Variants in NWD1 observed in about 807,000 individuals in gnomAD.
NWD1 encodes NACHT domain- and WD repeat-containing protein 1.
Under a neutral mutation model 135.1 loss-of-function variants are expected in NWD1, and 129 were observed. That is an observed-to-expected ratio of 0.96 (90% CI 0.83 to 1.11). The LOEUF is 1.11. NWD1 is among the 50% of genes least tolerant of loss of function. The pLI, the probability that NWD1 is intolerant of heterozygous loss-of-function variation, is 0.00. For synonymous variants in NWD1, 773 were observed against 786.0 expected, an observed-to-expected ratio of 0.98 and a Z score of 0.28; for missense variants, 1,740 against 1,851.3, an observed-to-expected ratio of 0.94 and a Z score of 1.10.
chr19:16,735,817 G>GGAAA (rs1466294078), intron 3 of NWD1, among the ~76,000 whole-genome samples: 10 of 38,946 alleles, frequency 2.6e-4, no homozygotes, highest in Non-Finnish European at 5.0e-4. Context: ...AAGGAAGGAA[G>GGAAA]GAAGGAAGGA....
chr19:16,773,244 C>G lies in NWD1; in HGVS notation c.2529C>G (p.His843Gln), dbSNP rs191976059. ...AGAGCTGGTTCCAGTTGTGCGCACA[C>G]CCTGTGCTGGTGCCCCTCGGAGGAT... Reference protein sequence around the residue: ...QAQSWFQLCAHPVLVPLGGFL... With the variant: ...QAQSWFQLCAQPVLVPLGGFL... The change falls in exon 11 of 19, where the codon CAC becomes CAG. Residue 843 changes from histidine to glutamine, a missense_variant. His to Gln is a conservative substitution (Grantham distance 24, BLOSUM62 0). Transcript: ENST00000524140. 1.7e-4 allele frequency: 267 copies of G among 1,613,710 alleles called. 2 individuals are homozygous for G. Among genetic ancestry groups the G allele is most frequent in the Non-Finnish European group, 1.4e-4 (166 of 1,180,020 alleles).
At position 16,746,180 on chromosome 19, in the gene NWD1, C is replaced by T. The variant is rs189331281; in HGVS notation, c.496+1462C>T. On this transcript the variant is annotated intron_variant, in intron 5 of 18. Transcript: ENST00000524140. Reference sequence around the variant, plus strand: ...ACCAGTCTGGGCAACATGGCAAAACCTCACCTTTATTTAAAAAAAAAAAAT... The same window carrying T: ...ACCAGTCTGGGCAACATGGCAAAACTTCACCTTTATTTAAAAAAAAAAAAT... Among the ~76,000 whole-genome samples the T allele has an allele frequency of 1.1e-3, 166 of 149,336 alleles. 1 individual carries two copies. Among genetic ancestry groups the T allele is most frequent in the Middle Eastern group, 0.01 (3 of 290 alleles).
intron 15 of NWD1, among the ~76,000 whole-genome samples, chr19:16,796,863 A>G (rs1369368537): frequency 6.6e-6 from 1 of 152,082 alleles, no homozygotes; most frequent in Non-Finnish European, 1.5e-5. Context: ...TCATTATAAT[A>G]ACTTTACAAG....
intron 18 of NWD1, chr19:16,812,817 G>T: frequency 1.3e-6 from 1 of 781,072 alleles, no homozygotes; most frequent in Non-Finnish European, 2.4e-6. Context: ...GGGCTTAAAG[G>T]ATCGCTCTAT....
At position 16,749,597 on chromosome 19, in the gene NWD1, C is replaced by T; in HGVS notation, c.955C>T (p.Leu319=). The T allele has an allele frequency of 1.9e-6, 3 of 1,613,058 alleles. No homozygotes were observed. Among genetic ancestry groups the T allele is most frequent in the Non-Finnish European group, 2.5e-6 (3 of 1,179,208 alleles). ...GACCTTCTGCGGACGCCAGGAACTC[C>T]TGGCCCGGCTTGGGCAGCAGCTCAG... ...IQTFCGRQEL[L]ARLGQQLRHD... Residue 319 remains leucine (L), a synonymous_variant, in exon 6 of 19, where the codon CTG becomes TTG. Coordinates refer to ENST00000524140, the MANE Select transcript of NWD1 (RefSeq NM_001007525.5).
At chr19:16,804,712 T>G (rs944133429) in intron 17 of NWD1, among the ~76,000 whole-genome samples, 3 of 152,114 alleles carry the variant, frequency 2.0e-5, no homozygotes, top group Non-Finnish European at 2.9e-5. Context: ...ATTAATTTTT[T>G]TTTAAATTTG....
At chr19:16,755,353 G>A in intron 6 of NWD1, among the ~76,000 whole-genome samples, 1 of 151,626 alleles carries the variant, frequency 6.6e-6, no homozygotes, top group Non-Finnish European at 1.5e-5. Context: ...GAGTAGCTGA[G>A]ACTACAGGTG....
chr19:16,762,003 G>A lies in NWD1; in HGVS notation c.1998G>A (p.Glu666=). The A allele has an allele frequency of 6.2e-7, 1 of 1,614,052 alleles. No individual in the cohort carries two copies. Among genetic ancestry groups the A allele is most frequent in the Middle Eastern group, 1.6e-4 (1 of 6,062 alleles). The part of the protein sequence containing the change: ...AHRQLVEVVR[E]RYLSGSERAK... Reference sequence around the variant, plus strand: ...GACAGCTGGTCGAGGTGGTCCGTGAGCGCTACCTGTCAGGATCCGAGAGAG... The same window carrying A: ...GACAGCTGGTCGAGGTGGTCCGTGAACGCTACCTGTCAGGATCCGAGAGAG... Residue 666 remains glutamate (E), a synonymous_variant, in exon 8 of 19, where the codon GAG becomes GAA. Coordinates refer to ENST00000524140, the MANE Select transcript of NWD1 (RefSeq NM_001007525.5).
Position 16,791,462 on chromosome 19 carries a change from T to A in NWD1, c.3053T>A (p.Val1018Glu). The change falls in exon 14 of 19, where the codon GTG becomes GAG. Residue 1018 changes from valine to glutamate, a missense_variant. By Grantham distance (121) the Val-to-Glu change is moderately radical. Coordinates refer to ENST00000524140, the MANE Select transcript of NWD1 (RefSeq NM_001007525.5). Reference sequence around the variant, plus strand: ...GCCTCCCAGGCCACACTGCTGACAGTGTCCAGGGATGGTGTGGTCAGTCTG... The same window carrying A: ...GCCTCCCAGGCCACACTGCTGACAGAGTCCAGGGATGGTGTGGTCAGTCTG... Reference protein sequence around the residue: ...VLASQATLLTVSRDGVVSLWS... With the variant: ...VLASQATLLTESRDGVVSLWS... 1 of 1,614,138 alleles carries A rather than the reference T, an allele frequency of 6.2e-7. No homozygotes were observed. The highest frequency in any genetic ancestry group is 8.5e-7 in the Non-Finnish European group (1 of 1,180,006).
chr19:16,773,902 C>G (rs1020043056), intron 11 of NWD1, among the ~76,000 whole-genome samples: 2 of 148,036 alleles, frequency 1.4e-5, no homozygotes, highest in African/African-American at 5.0e-5. Flanking sequence ...CATCCATCCA[C>G]CAGCCTCCCA....
In NWD1 at chr19:16,759,369, G is replaced by A; in HGVS notation, c.1914G>A (p.Leu638=). 6.2e-7 allele frequency: 1 copy of A among 1,610,806 alleles called. No homozygotes were observed. Among genetic ancestry groups the A allele is most frequent in the Non-Finnish European group, 8.5e-7 (1 of 1,178,848 alleles). The change falls in exon 7 of 19, where the codon CTG becomes CTA. Residue 638 remains leucine, a synonymous_variant. Transcript: ENST00000524140. ...TGTGGGTGCGGCTTCGTCGGGATCT[G>A]GGATACTACTTGGCCCGGCGGCCCG... ...PLLWVRLRRD[L]GYYLARRPVD...
At chr19:16,731,330 G>A (rs1180869028) in intron 3 of NWD1, 52 bp downstream of exon 3, 18 of 1,110,064 alleles carry the variant, frequency 1.6e-5, no homozygotes, top group East Asian at 1.3e-4. Context: ...TTTTTGACAC[G>A]TAGTTCTTGC....
At chr19:16,751,158 A>G (rs1311350707) in intron 6 of NWD1, among the ~76,000 whole-genome samples, 1 of 148,666 alleles carries the variant, frequency 6.7e-6, no homozygotes, top group African/African-American at 2.5e-5. Context: ...CGGGAGGTGG[A>G]GGTTGCCGTG....
At chr19:16,737,650 T>G in intron 4 of NWD1, among the ~76,000 whole-genome samples, 1 of 150,902 alleles carries the variant, frequency 6.6e-6, no homozygotes, top group Non-Finnish European at 1.5e-5. Context: ...TCCAGATACA[T>G]CCAAGAACGA....
intron 17 of NWD1, chr19:16,801,561 C>T (rs1970602819): frequency 6.6e-6 from 1 of 151,972 alleles, no homozygotes; most frequent in Non-Finnish European, 1.5e-5. Context: ...ACATAAAAGA[C>T]AAAAATTAGC....
chr19:16,756,391 G>T (rs1445669189), intron 6 of NWD1, among the ~76,000 whole-genome samples: 5 of 152,244 alleles, frequency 3.3e-5, no homozygotes, highest in Admixed American at 2.0e-4. Flanking sequence ...AGGAGAAGGG[G>T]ACTTGGTCTT....
At chr19:16,767,809 AC>A (rs1469185868) in intron 10 of NWD1, among the ~76,000 whole-genome samples, 1 of 151,458 alleles carries the variant, frequency 6.6e-6, no homozygotes, top group African/African-American at 2.4e-5. Context: ...TTCTCCCTTC[AC>A]CCCAGTCCCT....
intron 6 of NWD1, 98 bp from the exon 7 acceptor site, chr19:16,759,127 C>G: frequency 1.0e-6 from 1 of 957,554 alleles, no homozygotes; most frequent in Non-Finnish European, 1.7e-6. Flanking sequence ...TGCTGGACAC[C>G]GCGCGGGTGG....
rs553072631 is a variant in NWD1 at position 16,771,232 on chromosome 19, G to T, written c.2411-1894G>T. Among the ~76,000 whole-genome samples the T allele has an allele frequency of 3.8e-3, 576 of 152,284 alleles. 3 individuals are homozygous for T. Among genetic ancestry groups the T allele is most frequent in the African/African-American group, 0.013 (553 of 41,572 alleles). On this transcript the variant is annotated intron_variant, in intron 10 of 18. Transcript: ENST00000524140. ...TTTGAGAAGCCGAGGCAGGCAGATT[G>T]CTTGAGGCCAGGAGTTTGAGACCAG... is the stretch of plus-strand genomic sequence containing the variant.
Sources: gnomAD v4.1 joint callset for allele counts (sites outside exome capture counted in the v4.1 genomes callset) on GRCh38, gnomAD v4.1.1 for gene constraint, MANE v1.5 for transcripts, NCBI Gene and HGNC (gene_info 2026-07-23, HGNC 2026-07-21) for gene names.